The following G3BP2 variants were observed in gnomAD, a reference collection of about 807,000 sequenced individuals.
The protein encoded by G3BP2 is ras GTPase-activating protein-binding protein 2.
A neutral mutation model predicts 56.7 loss-of-function variants in G3BP2; 11 were observed. The ratio of observed to expected loss-of-function variants is 0.19; its 90% CI spans 0.12 to 0.32. The LOEUF (loss-of-function observed/expected upper bound fraction) is 0.32, where lower values mean the gene tolerates loss of function less well. Among genes scored for constraint, G3BP2 ranks in the 10% least tolerant of loss-of-function variants. The pLI, the probability that G3BP2 is intolerant of heterozygous loss-of-function variation, is 1.00. For missense variants in G3BP2, 340 were observed against 610.9 expected (o/e 0.56, Z 4.67); for synonymous variants, 165 against 191.6 (o/e 0.86, Z 1.15).
intron 1 of G3BP2, among the ~76,000 whole-genome samples, chr4:75,667,116 G>A (rs890281904): frequency 3.3e-5 from 5 of 151,956 alleles, no homozygotes; most frequent in Admixed American, 2.6e-4. Flanking sequence ...GCAAAACCCC[G>A]TCTCTACTAA....
At chr4:75,648,767 T>C in intron 8 of G3BP2, 26 bp from the exon 9 acceptor site, 1 of 1,422,548 alleles carries the variant, frequency 7.0e-7, no homozygotes, top group Non-Finnish European at 9.9e-7. Context: ...AAAAAAACAT[T>C]ATAAAAAACA....
At chr4:75,710,368 T>C (rs1372876920) in intron 3 of G3BP2, among the ~76,000 whole-genome samples, 4 of 152,220 alleles carry the variant, frequency 2.6e-5, no homozygotes, top group Admixed American at 6.5e-5. Flanking sequence ...CAGAAACAAC[T>C]GGGAAACACT....
At chr4:75,679,090 A>C (rs1434429532) in intron 3 of G3BP2, among the ~76,000 whole-genome samples, 1 of 152,248 alleles carries the variant, frequency 6.6e-6, no homozygotes, top group Non-Finnish European at 1.5e-5. Flanking sequence ...CAAGCTGCAC[A>C]AGGCTAAAAA....
intron 2 of G3BP2, 71 bp from the exon 3 acceptor site, chr4:75,658,995 T>C (rs761325336): frequency 4.5e-5 from 52 of 1,161,294 alleles, no homozygotes; most frequent in African/African-American, 3.0e-4. Flanking sequence ...TCTGGTGTCA[T>C]AGACTAGGTT....
At chr4:75,675,599 C>A (rs1171739637), upstream of G3BP2, among the ~76,000 whole-genome samples, 2 of 152,200 alleles carry the variant, frequency 1.3e-5, no homozygotes, top group Non-Finnish European at 2.9e-5. Flanking sequence ...TTGAGACCAG[C>A]CTGACCAACA....
In G3BP2 at chr4:75,686,198, A is replaced by T. The variant is rs1305781301; in HGVS notation, c.-24-24149T>A. On this transcript the variant is annotated intron_variant, in intron 3 of 3. Transcript: ENST00000499709. Reference sequence around the variant, plus strand: ...AAGCTGCACATGTTTTCCATTAAGGATTATTTAACTAAACCTAAAATCTGG... The same window carrying T: ...AAGCTGCACATGTTTTCCATTAAGGTTTATTTAACTAAACCTAAAATCTGG... 2.0e-5 allele frequency among the ~76,000 whole-genome samples: 3 copies of T among 152,220 alleles called. No homozygotes were observed. In the East Asian group the frequency reaches 5.8e-4, roughly 29 times the overall value.
At position 75,655,619 on chromosome 4, in the gene G3BP2, A is replaced by C. The variant is rs1022512488; in HGVS notation, c.545+149T>G. The C allele has an allele frequency of 1.4e-5, 8 of 588,356 alleles. No homozygotes were observed. In the Admixed American group the frequency reaches 2.2e-4, roughly 16 times the overall value. 36.4% of individuals were successfully genotyped at this position (588,356 alleles called of 1,614,324 possible). On this transcript the variant is annotated intron_variant, in intron 6 of 11. Coordinates refer to ENST00000359707, the MANE Select transcript of G3BP2 (RefSeq NM_203505.3). ...TGTATTAAATAAAACCATTCTTTCCAAATTTCTTGCATATACACAATAGGT... is the reference window on the plus strand; with the variant it reads ...TGTATTAAATAAAACCATTCTTTCCCAATTTCTTGCATATACACAATAGGT...
intron 1 of G3BP2, among the ~76,000 whole-genome samples, chr4:75,666,925 C>T (rs989593804): frequency 6.6e-6 from 1 of 152,158 alleles, no homozygotes; most frequent in Non-Finnish European, 1.5e-5. Context: ...TACTGGATCT[C>T]GATTTCCTAG....
intron 3 of G3BP2, among the ~76,000 whole-genome samples, chr4:75,679,053 C>G (rs1733979049): frequency 6.6e-6 from 1 of 152,202 alleles, no homozygotes; most frequent in Non-Finnish European, 1.5e-5. Flanking sequence ...TATCTCATTT[C>G]AATTTCACAG....
At chr4:75,662,670 C>T (rs1157349775) in intron 1 of G3BP2, 1 of 152,290 alleles carries the variant, frequency 6.6e-6, no homozygotes, top group African/African-American at 2.4e-5. Flanking sequence ...CCCTTTCTCT[C>T]TCTTTCTTGA....
At chr4:75,657,050 A>C in intron 4 of G3BP2, 36 bp from the exon 5 acceptor site, 1 of 883,548 alleles carries the variant, frequency 1.1e-6, no homozygotes, top group South Asian at 1.5e-5. Flanking sequence ...AAATATCCAG[A>C]AATCTGGTAT....
chr4:75,699,425 G>C, intron 3 of G3BP2, among the ~76,000 whole-genome samples: 1 of 152,158 alleles, frequency 6.6e-6, no homozygotes, highest in East Asian at 1.9e-4. Context: ...TTGTACAGAA[G>C]AAGAGCAGAG....
chr4:75,670,122 T>C (rs1040049798), intron 1 of G3BP2, among the ~76,000 whole-genome samples: 1 of 152,224 alleles, frequency 6.6e-6, no homozygotes, highest in African/African-American at 2.4e-5. Flanking sequence ...TACCAGATAC[T>C]GTTACCAAAG....
chr4:75,714,748 G>T (rs1321812472), intron 3 of G3BP2, among the ~76,000 whole-genome samples: 1 of 152,170 alleles, frequency 6.6e-6, no homozygotes, highest in Admixed American at 6.5e-5. Flanking sequence ...GAATGGGAAA[G>T]GCACACTCAT....
At chr4:75,715,969 C>CAA (rs1359545359) in intron 3 of G3BP2, among the ~76,000 whole-genome samples, 1 of 152,142 alleles carries the variant, frequency 6.6e-6, no homozygotes, top group African/African-American at 2.4e-5. Context: ...AGACCGGCTG[C>CAA]TGCAATAACC....
chr4:75,720,926 C>T (rs951867765), exon 3 of G3BP2, among the ~76,000 whole-genome samples: 3 of 137,330 alleles, frequency 2.2e-5, no homozygotes, highest in South Asian at 2.3e-4. Context: ...AGCTTGAGGC[C>T]GGGAGTTTGA....
At chr4:75,692,526 G>C (rs180891451) in intron 3 of G3BP2, among the ~76,000 whole-genome samples, 311 of 152,086 alleles carry the variant, frequency 2.0e-3, no homozygotes, top group African/African-American at 6.9e-3. Flanking sequence ...TGGACAGGCT[G>C]GTCTTGAACT....
intron 3 of G3BP2, among the ~76,000 whole-genome samples, chr4:75,681,739 C>T (rs1243600715): frequency 2.0e-5 from 3 of 151,272 alleles, no homozygotes; most frequent in Non-Finnish European, 2.9e-5. Flanking sequence ...GTCCCAGCTA[C>T]TCGGGAGGCT....
intron 3 of G3BP2, among the ~76,000 whole-genome samples, chr4:75,686,260 GTAGT>G (rs558207663): frequency 2.0e-4 from 30 of 152,150 alleles, no homozygotes; most frequent in Admixed American, 5.9e-4. Context: ...AGATGGTCAT[GTAGT>G]TAATCATATT....
Sources: allele counts gnomAD v4.1 joint callset (sites outside exome capture counted in the v4.1 genomes callset), GRCh38; gene constraint gnomAD v4.1.1; transcripts MANE v1.5; gene names NCBI Gene and HGNC (gene_info 2026-07-23, HGNC 2026-07-21).